Variants in ABCD2 observed in about 807,000 individuals in gnomAD.
ABCD2 encodes the protein ATP binding cassette subfamily D member 2.
A neutral mutation model predicts 70.9 loss-of-function variants in ABCD2; 36 were observed. The observed-to-expected ratio is 0.51, with a 90% CI of 0.39 to 0.67. ABCD2 has a LOEUF of 0.67. Among genes scored for constraint, ABCD2 ranks in the 30% least tolerant of loss-of-function variants. The pLI, the probability that ABCD2 is intolerant of heterozygous loss-of-function variation, is 0.00. For synonymous variants in ABCD2, 304 were observed against 306.9 expected (o/e 0.99, Z 0.10); for missense variants, 729 against 890.2 (o/e 0.82, Z 2.30).
At chr12:39,571,838 T>G (rs2120588185) in intron 9 of ABCD2, among the ~76,000 whole-genome samples, 2 of 152,330 alleles carry the variant, frequency 1.3e-5, no homozygotes, top group African/African-American at 4.8e-5. Context: ...ACTCTAGTAT[T>G]GATTTTAATC....
chr12:39,573,353 T>C (rs1011905929), intron 9 of ABCD2, among the ~76,000 whole-genome samples: 3 of 152,106 alleles, frequency 2.0e-5, no homozygotes, highest in African/African-American at 7.2e-5. Context: ...TGTGTACATA[T>C]ATTTTTTTCC....
chr12:39,585,147 C>T (rs1275009260), intron 7 of ABCD2, among the ~76,000 whole-genome samples: 1 of 152,132 alleles, frequency 6.6e-6, no homozygotes, highest in African/African-American at 2.4e-5. Context: ...TCTTCCTATC[C>T]ATGAACATGG....
At chr12:39,597,987 G>C (rs1320149966) in intron 6 of ABCD2, among the ~76,000 whole-genome samples, 1 of 151,974 alleles carries the variant, frequency 6.6e-6, no homozygotes, top group African/African-American at 2.4e-5. Flanking sequence ...TAATTTATTA[G>C]GAATTCAGCT....
In ABCD2 at chr12:39,552,485, A is replaced by C. The variant is rs2120509527; in HGVS notation, c.*1427T>G. ...CTTTCCAGCTCCAGTGCACACAAAT[A>C]GAATAAAATCTATTTCATATGACTA... On this transcript the variant is annotated 3_prime_UTR_variant, in exon 10 of 10. Transcript: ENST00000308666. 6.6e-6 allele frequency: 1 copy of C among 152,074 alleles called. No individual in the cohort carries two copies. Among genetic ancestry groups the C allele is most frequent in the Middle Eastern group, 3.4e-3 (1 of 294 alleles). The allele number at this position is 152,074 out of a possible 1,614,324, so 9.4% of individuals were successfully genotyped here. A position where few individuals can be genotyped will look rare whatever the true frequency, so the allele number is the denominator to read the frequency against.
At chr12:39,547,926 A>G (rs1321686992), downstream of ABCD2, among the ~76,000 whole-genome samples, 1 of 135,542 alleles carries the variant, frequency 7.4e-6, no homozygotes, top group African/African-American at 3.3e-5. Context: ...GCATGTGTGT[A>G]TGTGTGTCAG....
intron 8 of ABCD2, among the ~76,000 whole-genome samples, chr12:39,579,089 C>T (rs1414302642): frequency 6.6e-6 from 1 of 152,136 alleles, no homozygotes. Context: ...TGGCCAGTCA[C>T]GGTGGCTCAC....
Position 39,619,424 on chromosome 12 carries a change from TTC to T in ABCD2, c.190_191del (p.Glu64AsnfsTer10), listed in dbSNP as rs757723872. ...AAATGGTCTCGGTGCAATGCAGTAT[TTC>T]TGTGTTCTCTGCAGCAGGGTAAGCT... The part of the protein sequence containing the change: ...AAAYPAAENT[E>X]ILHCTETICE... On this transcript the variant is annotated frameshift_variant, in exon 1 of 10. Coordinates refer to ENST00000308666, the MANE Select transcript of ABCD2 (RefSeq NM_005164.4). LOFTEE classifies it high-confidence loss of function. 5 of 1,613,860 alleles carry T rather than the reference TTC, an allele frequency of 3.1e-6. No individual in the cohort carries two copies. The highest frequency in any genetic ancestry group is 4.2e-6 in the Non-Finnish European group (5 of 1,180,018).
At chr12:39,565,461 A>G (rs945810038) in intron 9 of ABCD2, among the ~76,000 whole-genome samples, 2 of 152,092 alleles carry the variant, frequency 1.3e-5, no homozygotes, top group African/African-American at 2.4e-5. Context: ...AATGCTTGTG[A>G]TTTTTGCATA....
In ABCD2 at chr12:39,586,254, G is replaced by C; in HGVS notation, c.1690C>G (p.Pro564Ala). Residue 564 changes from proline (P) to alanine (A), a missense_variant, in exon 7 of 10, where the codon CCT (proline) becomes GCT (alanine). Around this residue, in one of 3 missense-constraint regions of ABCD2, gnomAD observed 289 missense variants for 328.8 expected, o/e 0.88. Transcript: ENST00000308666. ...LGSLRDQVIY[P>A]DSVDDMHDKG... ...TCATGCATATCATCCACTGAATCAG[G>C]GTAAATGACTTGATCCCGAAGACTT... 1 of 1,613,228 alleles carries C rather than the reference G, an allele frequency of 6.2e-7. No homozygotes were observed. The highest frequency in any genetic ancestry group is 1.3e-5 in the African/African-American group (1 of 74,958).
At chr12:39,598,115 A>G (rs1821972859) in intron 6 of ABCD2, among the ~76,000 whole-genome samples, 1 of 152,204 alleles carries the variant, frequency 6.6e-6, no homozygotes, top group Admixed American at 6.5e-5. Context: ...TTTCTTCCGT[A>G]TACTACATGA....
intron 8 of ABCD2, among the ~76,000 whole-genome samples, chr12:39,577,023 A>G (rs1591978739): frequency 1.3e-5 from 2 of 152,206 alleles, no homozygotes; most frequent in Admixed American, 1.3e-4. Context: ...TAGCTACATC[A>G]AAATAATAAA....
chr12:39,589,568 T>C (rs1778907279), intron 6 of ABCD2, among the ~76,000 whole-genome samples: 1 of 152,062 alleles, frequency 6.6e-6, no homozygotes, highest in Non-Finnish European at 1.5e-5. Context: ...TTTGTATTTT[T>C]AGTAGAGACG....
chr12:39,618,495 C>T (rs10877201), intron 1 of ABCD2, among the ~76,000 whole-genome samples, 182 bp downstream of exon 1: 39,800 of 151,944 alleles, frequency 0.26, 6,946 homozygotes, highest in African/African-American at 0.5. Flanking sequence ...ACCCTATAAT[C>T]CTTTAACTGG....
Position 39,551,899 on chromosome 12 carries a change from G to A in ABCD2, c.*2013C>T, listed in dbSNP as rs1288315934. ...AAATTATACACATCTTTCACATGAG[G>A]ATTTTTCATTTTCTTCTTGTACCTT... is the stretch of plus-strand genomic sequence containing the variant. On this transcript the variant is annotated 3_prime_UTR_variant, in exon 10 of 10. Transcript: ENST00000308666. 2 of 151,644 alleles carry A rather than the reference G, an allele frequency of 1.3e-5. No homozygotes were observed. The highest frequency in any genetic ancestry group is 4.8e-5 in the African/African-American group (2 of 41,374). 9.4% of individuals were successfully genotyped at this position (151,644 alleles called of 1,614,324 possible).
At chr12:39,607,510 C>T (rs1013956131) in intron 3 of ABCD2, 89 bp downstream of exon 3, 1 of 1,114,924 alleles carries the variant, frequency 9.0e-7, no homozygotes, top group Non-Finnish European at 1.3e-6. Flanking sequence ...GATATGTTTC[C>T]AAAATACTAA....
intron 6 of ABCD2, among the ~76,000 whole-genome samples, chr12:39,595,695 TAAAC>T (rs1364884789): frequency 6.6e-6 from 1 of 152,156 alleles, no homozygotes; most frequent in Non-Finnish European, 1.5e-5. Flanking sequence ...TAGTTAGAAA[TAAAC>T]AAATATTGAG....
At chr12:39,564,473 GTTGT>G (rs1262834335) in intron 9 of ABCD2, among the ~76,000 whole-genome samples, 9 of 152,178 alleles carry the variant, frequency 5.9e-5, no homozygotes, top group African/African-American at 2.2e-4. Flanking sequence ...TTTTGATGGG[GTTGT>G]TTGTTTTTTT....
In ABCD2 at chr12:39,603,104, T is replaced by G. The variant is rs2120721912; in HGVS notation, c.1500+808A>C. Among the ~76,000 whole-genome samples the G allele has an allele frequency of 1.3e-5, 2 of 152,266 alleles. 1 individual carries two copies. Among genetic ancestry groups the G allele is most frequent in the Middle Eastern group, 6.8e-3 (2 of 294 alleles). On this transcript the variant is annotated intron_variant, in intron 5 of 9. Coordinates refer to ENST00000308666, the MANE Select transcript of ABCD2 (RefSeq NM_005164.4). ...TGCTACTCATCCTCTCAACTCTCAG[T>G]AACCCAAAATATTTGCAAATACATC...
At position 39,604,800 on chromosome 12, in the gene ABCD2, T is replaced by C; in HGVS notation, c.1367A>G (p.Lys456Arg). The C allele has an allele frequency of 6.2e-7, 1 of 1,610,924 alleles. No homozygotes were observed. The change falls in exon 4 of 10, where the codon AAG becomes AGG. Residue 456 changes from lysine to arginine, a missense_variant. This residue lies in a region of ABCD2 where 195 missense variants were observed against 300.2 expected (regional missense o/e 0.65). Transcript: ENST00000308666. ...ESESHSKNGA[K>R]VELPLSDTLA... ...TGTGTCACTGAGAGGTAATTCTACCTTAGCTCCATTCTTGCTATGGCTTTC... is the reference window on the plus strand; with the variant it reads ...TGTGTCACTGAGAGGTAATTCTACCCTAGCTCCATTCTTGCTATGGCTTTC...
Sources: allele counts gnomAD v4.1 joint callset (sites outside exome capture counted in the v4.1 genomes callset), GRCh38; gene constraint gnomAD v4.1.1; regional missense constraint gnomAD v4.1.1; transcripts MANE v1.5; gene names NCBI Gene and HGNC (gene_info 2026-07-23, HGNC 2026-07-21).